Variants in LPAR1 observed in about 807,000 individuals in gnomAD.
The protein encoded by LPAR1 is lysophosphatidic acid receptor 1.
Under a neutral mutation model 23.8 loss-of-function variants are expected in LPAR1, and 5 were observed. The ratio of observed to expected loss-of-function variants is 0.21; its 90% CI spans 0.11 to 0.44. LPAR1 has a LOEUF of 0.44. Ranked by LOEUF, LPAR1 falls within the 20% of genes least tolerant of loss-of-function variation. LPAR1 has a pLI of 0.99. For missense variants in LPAR1, 311 were observed against 482.8 expected (o/e 0.64, Z 3.33); for synonymous variants, 160 against 164.7 (o/e 0.97, Z 0.22).
intron 5 of LPAR1, among the ~76,000 whole-genome samples, chr9:110,930,071 A>G (rs977256151): frequency 1.4e-4 from 21 of 152,198 alleles, no homozygotes; most frequent in African/African-American, 5.1e-4. Flanking sequence ...GCCATTACAG[A>G]CTGTAAAACA....
intron 5 of LPAR1, among the ~76,000 whole-genome samples, chr9:110,907,752 A>G (rs1310545484): frequency 6.6e-6 from 1 of 152,164 alleles, no homozygotes; most frequent in Non-Finnish European, 1.5e-5. Context: ...GAAGAAAATG[A>G]TTTTTATTAA....
intron 4 of LPAR1, among the ~76,000 whole-genome samples, chr9:110,963,723 A>T (rs897608664): frequency 1.3e-5 from 2 of 152,230 alleles, no homozygotes; most frequent in Admixed American, 6.5e-5. Context: ...AAGAACTAAC[A>T]TACGTCAGGT....
intron 5 of LPAR1, among the ~76,000 whole-genome samples, chr9:110,890,934 G>T (rs1242149361): frequency 6.9e-6 from 1 of 145,758 alleles, no homozygotes; most frequent in Non-Finnish European, 1.5e-5. Flanking sequence ...TTAGTAATCT[G>T]GGAATGGGGA....
intron 4 of LPAR1, among the ~76,000 whole-genome samples, chr9:110,950,384 G>A (rs2095530999): frequency 6.7e-6 from 1 of 149,622 alleles, no homozygotes; most frequent in Non-Finnish European, 1.5e-5. Context: ...AGAATTGCTT[G>A]AACCTGGGAG....
intron 1 of LPAR1, chr9:111,037,709 G>A (rs2097919106): frequency 6.6e-6 from 1 of 152,120 alleles, no homozygotes; most frequent in Non-Finnish European, 1.5e-5. Flanking sequence ...ACCCCTCGGA[G>A]GTGCAAGTCC....
At chr9:110,994,985 G>A (rs950310774) in intron 2 of LPAR1, among the ~76,000 whole-genome samples, 4 of 152,100 alleles carry the variant, frequency 2.6e-5, no homozygotes, top group Non-Finnish European at 5.9e-5. Flanking sequence ...TTTCAAAAAA[G>A]CTAAAGAAAT....
chr9:110,944,201 A>G (rs2095290627), intron 4 of LPAR1, among the ~76,000 whole-genome samples: 1 of 152,176 alleles, frequency 6.6e-6, no homozygotes, highest in East Asian at 1.9e-4. Flanking sequence ...TAGGGTCCCA[A>G]GTAATGCCAA....
At chr9:110,987,506 G>A (rs916245794) in intron 2 of LPAR1, among the ~76,000 whole-genome samples, 2 of 151,674 alleles carry the variant, frequency 1.3e-5, no homozygotes, top group African/African-American at 4.8e-5. Context: ...GGGGGAGACT[G>A]ATTTGAGTAA....
At chr9:110,980,054 G>A (rs936651040) in intron 2 of LPAR1, among the ~76,000 whole-genome samples, 3 of 152,062 alleles carry the variant, frequency 2.0e-5, no homozygotes, top group African/African-American at 7.2e-5. Flanking sequence ...ACATGGCTCA[G>A]GTATGAACAG....
intron 4 of LPAR1, among the ~76,000 whole-genome samples, chr9:110,960,538 A>T (rs2095927957): frequency 6.6e-6 from 1 of 152,158 alleles, no homozygotes; most frequent in African/African-American, 2.4e-5. Context: ...GTCCCAAAAG[A>T]TCTTGAAGAA....
intron 5 of LPAR1, among the ~76,000 whole-genome samples, chr9:110,936,374 G>A (rs1324265878): frequency 3.3e-5 from 5 of 152,120 alleles, no homozygotes; most frequent in Admixed American, 1.3e-4. Flanking sequence ...TGCCACTTTC[G>A]TCACCACTGG....
chr9:110,925,122 GT>G (rs1305777105), intron 5 of LPAR1, among the ~76,000 whole-genome samples: 2 of 151,998 alleles, frequency 1.3e-5, no homozygotes, highest in Non-Finnish European at 2.9e-5. Flanking sequence ...CGCTGAATTG[GT>G]TTGTATATAG....
intron 5 of LPAR1, among the ~76,000 whole-genome samples, chr9:110,890,429 C>T (rs1426309846): frequency 2.0e-5 from 3 of 152,070 alleles, no homozygotes; most frequent in African/African-American, 7.2e-5. Flanking sequence ...AAAAAAAATT[C>T]CAATTCATTC....
chr9:110,943,775 G>A (rs1223028511), intron 4 of LPAR1, among the ~76,000 whole-genome samples: 5 of 150,872 alleles, frequency 3.3e-5, no homozygotes, highest in East Asian at 2.0e-4. Context: ...CAGGAGAATC[G>A]CTTGAACCCG....
chr9:111,019,299 AAAT>A, intron 2 of LPAR1, among the ~76,000 whole-genome samples: 1 of 152,270 alleles, frequency 6.6e-6, no homozygotes, highest in East Asian at 1.9e-4. Context: ...TCTCTATTAA[AAAT>A]AATAATAATA....
At chr9:110,996,774 T>C (rs2097018758) in intron 2 of LPAR1, among the ~76,000 whole-genome samples, 1 of 152,190 alleles carries the variant, frequency 6.6e-6, no homozygotes, top group Admixed American at 6.5e-5. Flanking sequence ...TCCAAGGGTA[T>C]AATTTTAGAT....
chr9:111,021,734 G>T (rs1444289386), intron 2 of LPAR1, among the ~76,000 whole-genome samples: 1 of 152,120 alleles, frequency 6.6e-6, no homozygotes, highest in Non-Finnish European at 1.5e-5. Context: ...GCCCAGGTGG[G>T]TGGATCACCT....
intron 4 of LPAR1, among the ~76,000 whole-genome samples, chr9:110,969,438 G>A (rs911375246): frequency 1.3e-5 from 2 of 152,042 alleles, no homozygotes; most frequent in African/African-American, 4.8e-5. Context: ...GTGGTCGGGC[G>A]CAGTGGCTCA....
At chr9:110,934,895 A>G (rs1463323673) in intron 5 of LPAR1, among the ~76,000 whole-genome samples, 2 of 152,112 alleles carry the variant, frequency 1.3e-5, no homozygotes, top group Admixed American at 6.6e-5. Flanking sequence ...TTAATATAAA[A>G]ACCAAGTGGA....
Sources: allele counts gnomAD v4.1 joint callset (sites outside exome capture counted in the v4.1 genomes callset), GRCh38; gene constraint gnomAD v4.1.1; transcripts MANE v1.5; gene names NCBI Gene and HGNC (gene_info 2026-07-23, HGNC 2026-07-21).